ZBTB24: variants seen among roughly 807,000 people sequenced by gnomAD.
The protein encoded by ZBTB24 is zinc finger and BTB domain containing 24, also known as zinc finger and BTB domain-containing protein 24.
In ZBTB24, 32 loss-of-function variants were observed where a neutral mutation model predicts 53.8. The ratio of observed to expected loss-of-function variants is 0.60; its 90% CI spans 0.45 to 0.80. The LOEUF (loss-of-function observed/expected upper bound fraction) is 0.80, where lower values mean the gene tolerates loss of function less well. ZBTB24 is among the 30% of genes least tolerant of loss of function. The pLI is 0.00. For missense variants in ZBTB24, 722 were observed against 837.1 expected (o/e 0.86, Z 1.70); for synonymous variants, 297 against 306.7 (o/e 0.97, Z 0.33).
chr6:109,471,042 C>T (rs1247442412), intron 5 of ZBTB24, among the ~76,000 whole-genome samples: 1 of 152,242 alleles, frequency 6.6e-6, no homozygotes, highest in African/African-American at 2.4e-5. Context: ...CTTAGGCAAA[C>T]ATCTTTTCAC....
At chr6:109,475,979 T>C (rs1228798993) in intron 4 of ZBTB24, among the ~76,000 whole-genome samples, 196 bp downstream of exon 4, 3 of 152,212 alleles carry the variant, frequency 2.0e-5, no homozygotes, top group East Asian at 1.9e-4. Context: ...AACTGTAGTA[T>C]ACAAATAAAA....
intron 2 of ZBTB24, among the ~76,000 whole-genome samples, chr6:109,480,541 G>T (rs1332409795): frequency 6.6e-6 from 1 of 152,130 alleles, no homozygotes; most frequent in Non-Finnish European, 1.5e-5. Flanking sequence ...GGTCAGCGCT[G>T]GGCTAGAGGG....
In ZBTB24 at chr6:109,476,809, A is replaced by G. The variant is rs1460535194; in HGVS notation, c.1074T>C (p.Ala358=). 8 of 1,613,884 alleles carry G rather than the reference A, an allele frequency of 5.0e-6. No individual in the cohort carries two copies. In the Admixed American group the frequency reaches 1.0e-4, roughly 20 times the overall value. The change falls in exon 3 of 7, where the codon GCT becomes GCC. Residue 358 remains alanine (A), a synonymous_variant. Transcript: ENST00000230122. ...CCAGCAGTGAGTGCTTGGTGGTCAGAGCCTTGCTGCACACGGTGCAGGTGT... is the reference window on the plus strand; with the variant it reads ...CCAGCAGTGAGTGCTTGGTGGTCAGGGCCTTGCTGCACACGGTGCAGGTGT... ...RPYTCTVCSK[A]LTTKHSLLEH...
At chr6:109,479,915 CAAAAAAAAAAAAAAAA>C (rs200514874) in intron 2 of ZBTB24, among the ~76,000 whole-genome samples, 1 of 41,806 alleles carries the variant, frequency 2.4e-5, no homozygotes, top group Non-Finnish European at 4.5e-5. Flanking sequence ...GAATCCATCT[CAAAAAAAAAAAAAAAA>C]AAAAAAAAAA....
In ZBTB24 at chr6:109,466,348, C is replaced by A. The variant is rs779741867; in HGVS notation, c.1597G>T (p.Val533Phe). ...SISGSSNTEE[V>F]RNILQLQPYQ... ...GGCTGTAGCTGAAGAATATTCCTGA[C>A]CTCTTCTGTATTACTACTGCCAGAA... Residue 533 changes from valine to phenylalanine, a missense_variant, in exon 7 of 7, where the codon GTC (valine) becomes TTC (phenylalanine). Coordinates refer to ENST00000230122, the MANE Select transcript of ZBTB24 (RefSeq NM_014797.3). 1.2e-6 allele frequency: 2 copies of A among 1,614,218 alleles called. No homozygotes were observed. Among genetic ancestry groups the A allele is most frequent in the South Asian group, 2.2e-5 (2 of 91,082 alleles).
chr6:109,466,556 G>A lies in ZBTB24; in HGVS notation c.1389C>T (p.Ser463=). 3 of 1,612,388 alleles carry A rather than the reference G, an allele frequency of 1.9e-6. No individual in the cohort carries two copies. Among genetic ancestry groups the A allele is most frequent in the Non-Finnish European group, 2.5e-6 (3 of 1,180,006 alleles). The change falls in exon 7 of 7, where the codon TCC becomes TCT. Residue 463 remains serine, a synonymous_variant. Transcript: ENST00000230122. ...IRIHRGEKPY[S]CGICGKSFSD... is the part of the protein sequence containing the mutation. Reference sequence around the variant, plus strand: ...AGAAGGATTTGCCACAAATGCCACAGGAGTATGGCTTTTCTCCTCTGTAAG... The same window carrying A: ...AGAAGGATTTGCCACAAATGCCACAAGAGTATGGCTTTTCTCCTCTGTAAG...
At chr6:109,469,287 G>C (rs969119988) in intron 5 of ZBTB24, among the ~76,000 whole-genome samples, 5 of 152,238 alleles carry the variant, frequency 3.3e-5, no homozygotes, top group African/African-American at 1.2e-4. Flanking sequence ...GCTTGTGATT[G>C]TAAAATTCTT....
chr6:109,470,965 C>T (rs1354392541), intron 5 of ZBTB24, among the ~76,000 whole-genome samples: 1 of 152,240 alleles, frequency 6.6e-6, no homozygotes, highest in Non-Finnish European at 1.5e-5. Context: ...ATCTAATCCC[C>T]TCCTGGGACA....
At chr6:109,478,879 T>C (rs1390683731) in intron 2 of ZBTB24, among the ~76,000 whole-genome samples, 2 of 150,894 alleles carry the variant, frequency 1.3e-5, no homozygotes, top group Non-Finnish European at 2.9e-5. Context: ...GTTGTTATCA[T>C]TAACATGCTC....
chr6:109,482,648 G>A (rs1411223208), intron 1 of ZBTB24, among the ~76,000 whole-genome samples: 1 of 151,944 alleles, frequency 6.6e-6, no homozygotes, highest in Non-Finnish European at 1.5e-5. Flanking sequence ...TGACTCTCCA[G>A]TATTCATGGA....
chr6:109,481,513 G>A lies in ZBTB24; in HGVS notation c.514C>T (p.Gln172Ter). 6.2e-7 allele frequency: 1 copy of A among 1,614,192 alleles called. No homozygotes were observed. Residue 172 changes from glutamine to a stop codon, truncating the protein, a stop_gained, in exon 2 of 7, where the codon CAG becomes TAG. Coordinates refer to ENST00000230122, the MANE Select transcript of ZBTB24 (RefSeq NM_014797.3). LOFTEE classifies it high-confidence loss of function. ...RGRPKKVNTL[Q>*]EEKSELAAEE... ...GCAGCCAGTTCTGATTTCTCCTCCT[G>A]CAATGTATTGACTTTTTTTGGTCTT...
In ZBTB24 at chr6:109,465,431, T is replaced by C. The variant is rs574624808; in HGVS notation, c.*420A>G. On this transcript the variant is annotated 3_prime_UTR_variant, in exon 7 of 7. Coordinates refer to ENST00000230122, the MANE Select transcript of ZBTB24 (RefSeq NM_014797.3). ...GTGTTGCCTAAGAAAAATAAGAAAA[T>C]AGAACAAACCATTCTGCCCAGTTCA... 5 of 555,578 alleles carry C rather than the reference T, an allele frequency of 9.0e-6. No individual in the cohort carries two copies. Among genetic ancestry groups the C allele is most frequent in the South Asian group, 7.4e-5 (3 of 40,444 alleles). The allele number at this position is 555,578 out of a possible 1,614,324, so 34.4% of individuals were successfully genotyped here.
intron 5 of ZBTB24, among the ~76,000 whole-genome samples, chr6:109,474,307 G>T (rs1051563713): frequency 6.6e-6 from 1 of 152,080 alleles, no homozygotes; most frequent in Admixed American, 6.5e-5. Flanking sequence ...CTGCCTCCTC[G>T]TCATCTCTGA....
intron 5 of ZBTB24, among the ~76,000 whole-genome samples, chr6:109,470,549 T>C (rs1384769113): frequency 6.6e-6 from 1 of 152,206 alleles, no homozygotes. Flanking sequence ...GACATGTTAA[T>C]GACAACATCA....
At position 109,466,307 on chromosome 6, in the gene ZBTB24, G is replaced by A. The variant is rs1776039863; in HGVS notation, c.1638C>T (p.Thr546=). The A allele has an allele frequency of 1.2e-6, 2 of 1,614,084 alleles. No homozygotes were observed. Among genetic ancestry groups the A allele is most frequent in the East Asian group, 4.5e-5 (2 of 44,890 alleles). ...ILQLQPYQLS[T]SGEQEIQLLV... ...GAAGCTGAATTTCCTGCTCTCCCGA[G>A]GTAGAGAGTTGATATGGCTGTAGCT... is the stretch of plus-strand genomic sequence containing the variant. The change falls in exon 7 of 7, where the codon ACC becomes ACT. Residue 546 remains threonine (T), a synonymous_variant. Coordinates refer to ENST00000230122, the MANE Select transcript of ZBTB24 (RefSeq NM_014797.3).
chr6:109,473,725 A>G (rs1277883164), intron 5 of ZBTB24, among the ~76,000 whole-genome samples: 7 of 152,192 alleles, frequency 4.6e-5, no homozygotes, highest in Non-Finnish European at 1.0e-4. Context: ...TGCTCAGTAC[A>G]TGTGTTAAAA....
At chr6:109,473,388 C>A (rs901091212) in intron 5 of ZBTB24, among the ~76,000 whole-genome samples, 1 of 152,142 alleles carries the variant, frequency 6.6e-6, no homozygotes, top group Non-Finnish European at 1.5e-5. Context: ...GTGCCCAGGG[C>A]TCCCCCTGCC....
At chr6:109,476,034 T>TA (rs1776271129) in intron 4 of ZBTB24, 141 bp downstream of exon 4, 1 of 823,970 alleles carries the variant, frequency 1.2e-6, no homozygotes, top group Admixed American at 2.8e-5. Flanking sequence ...ACATGTAATT[T>TA]AGACTCTTAA....
chr6:109,476,080 G>A (rs1776272485), intron 4 of ZBTB24, 95 bp downstream of exon 4: 3 of 1,400,660 alleles, frequency 2.1e-6, no homozygotes, highest in East Asian at 2.3e-5. Context: ...TGAACGATAT[G>A]TGCTAAGAGC....
Sources: allele counts gnomAD v4.1 joint callset (sites outside exome capture counted in the v4.1 genomes callset), GRCh38; gene constraint gnomAD v4.1.1; transcripts MANE v1.5; gene names NCBI Gene and HGNC (gene_info 2026-07-23, HGNC 2026-07-21).